Variants in FOXN3 observed in about 807,000 individuals in gnomAD.
The protein encoded by FOXN3 is forkhead box N3, also known as forkhead box protein N3.
In FOXN3, 7 loss-of-function variants were observed where a neutral mutation model predicts 38.4. The observed-to-expected ratio is 0.18, with a 90% confidence interval of 0.10 to 0.34. FOXN3 has a LOEUF of 0.34. Ranked by LOEUF, FOXN3 falls within the 10% of genes least tolerant of loss-of-function variation. FOXN3 has a pLI of 1.00. For synonymous variants in FOXN3, 230 were observed against 242.2 expected (o/e 0.95, Z 0.47); for missense variants, 456 against 613.4 (o/e 0.74, Z 2.71).
rs1887154491 is a variant in FOXN3, at chr14:89,163,304, G to A, written c.852-335C>T. Among the ~76,000 whole-genome samples, 1 of 152,160 alleles carries A rather than the reference G, an allele frequency of 6.6e-6. No homozygotes were observed. The highest frequency in any genetic ancestry group is 1.5e-5 in the Non-Finnish European group (1 of 68,036). On this transcript the variant is annotated intron_variant, in intron 5 of 5. Coordinates refer to ENST00000557258, the MANE Select transcript of FOXN3 (RefSeq NM_005197.4). The surrounding 1 kb of genome is among the most constrained non-coding windows in gnomAD (Gnocchi z 4.3). ...AAAAATCAAGCTGTGCTTGGTTCGT[G>A]TCCCCGCCAACACCACAGAGTCAGA...
chr14:89,541,905 A>G (rs1050140870), intron 1 of FOXN3, among the ~76,000 whole-genome samples: 2 of 152,188 alleles, frequency 1.3e-5, no homozygotes, highest in African/African-American at 4.8e-5. Flanking sequence ...TGCATCAGCA[A>G]TATTCTAAGA....
chr14:89,555,884 G>GGGTGT, intron 1 of FOXN3, among the ~76,000 whole-genome samples: 1 of 90,186 alleles, frequency 1.1e-5, no homozygotes, highest in Non-Finnish European at 2.5e-5. Flanking sequence ...TGTATGTGGG[G>GGGTGT]GTGTATGTGG....
chr14:89,413,357 G>A (rs1458793916), intron 1 of FOXN3, among the ~76,000 whole-genome samples: 1 of 152,182 alleles, frequency 6.6e-6, no homozygotes, highest in Non-Finnish European at 1.5e-5. Context: ...GAACAGGCTG[G>A]GCATGGTGGC....
chr14:89,330,402 C>T (rs1888213435), intron 3 of FOXN3, among the ~76,000 whole-genome samples: 1 of 152,206 alleles, frequency 6.6e-6, no homozygotes, highest in South Asian at 2.1e-4. Flanking sequence ...CTGCCCCTGA[C>T]CTCATTTCTG....
chr14:89,157,353 C>T lies in FOXN3; in HGVS notation c.*5061G>A, dbSNP rs1388160796. The T allele has an allele frequency of 6.6e-6, 1 of 152,656 alleles. No homozygotes were observed. The highest frequency in any genetic ancestry group is 1.5e-5 in the Non-Finnish European group (1 of 68,044). The allele number at this position is 152,656 out of a possible 1,614,324, so 9.5% of individuals were successfully genotyped here. A position where few individuals can be genotyped will look rare whatever the true frequency, so the allele number is the denominator to read the frequency against. On this transcript the variant is annotated 3_prime_UTR_variant, in exon 6 of 6. Transcript: ENST00000557258. ...ACTGTGGAAGAACTGCAAGGTCACA[C>T]ACATTATTCATGATAAAGCAACCGA... is the stretch of plus-strand genomic sequence containing the variant.
At chr14:89,570,052 G>A (rs1895459546) in intron 1 of FOXN3, among the ~76,000 whole-genome samples, 1 of 151,402 alleles carries the variant, frequency 6.6e-6, no homozygotes, top group African/African-American at 2.4e-5. Context: ...TCAGGCTGGA[G>A]TGCAGTGGCG....
chr14:89,441,391 G>A (rs571872474), intron 1 of FOXN3, among the ~76,000 whole-genome samples: 93 of 152,254 alleles, frequency 6.1e-4, no homozygotes, highest in African/African-American at 2.2e-3. Flanking sequence ...TTCACCTTAC[G>A]TTAAAAAGGA....
intron 1 of FOXN3, among the ~76,000 whole-genome samples, chr14:89,442,003 C>A (rs1462686634): frequency 6.6e-6 from 1 of 150,766 alleles, no homozygotes; most frequent in Non-Finnish European, 1.5e-5. Context: ...CTCGGCTCAC[C>A]GCAACCTCCG....
chr14:89,523,312 A>C (rs1409453462), intron 1 of FOXN3, among the ~76,000 whole-genome samples: 1 of 152,204 alleles, frequency 6.6e-6, no homozygotes, highest in Non-Finnish European at 1.5e-5. Context: ...ACAAACAGAC[A>C]ATCAGTAAGG....
At chr14:89,354,249 CAG>C (rs1485116485) in intron 2 of FOXN3, among the ~76,000 whole-genome samples, 1 of 150,478 alleles carries the variant, frequency 6.6e-6, no homozygotes, top group Non-Finnish European at 1.5e-5. Flanking sequence ...TTTTCTTAGA[CAG>C]AGTCTCGCTC....
intron 1 of FOXN3, among the ~76,000 whole-genome samples, chr14:89,505,389 C>CGAG (rs1893896687): frequency 6.6e-6 from 1 of 151,990 alleles, no homozygotes; most frequent in Admixed American, 6.5e-5. Flanking sequence ...TTTCTCCTGC[C>CGAG]TCAGCCTGCC....
At chr14:89,615,898 T>C (rs1365974231) in intron 1 of FOXN3, among the ~76,000 whole-genome samples, 1 of 152,130 alleles carries the variant, frequency 6.6e-6, no homozygotes, top group Non-Finnish European at 1.5e-5. Context: ...CCCATGCAAT[T>C]AGTTGATGAA....
At chr14:89,253,681 GT>G (rs1885531503) in intron 4 of FOXN3, among the ~76,000 whole-genome samples, 2 of 152,236 alleles carry the variant, frequency 1.3e-5, no homozygotes, top group South Asian at 4.1e-4. Flanking sequence ...ACAGACATAT[GT>G]GTCTAAGGCC....
At chr14:89,478,988 C>T (rs1051825609) in intron 1 of FOXN3, among the ~76,000 whole-genome samples, 2 of 147,556 alleles carry the variant, frequency 1.4e-5, no homozygotes, top group Non-Finnish European at 3.0e-5. Context: ...ATCCCTACCC[C>T]TATTTTACAG....
intron 4 of FOXN3, among the ~76,000 whole-genome samples, chr14:89,279,878 G>T (rs933640199): frequency 1.3e-5 from 2 of 152,190 alleles, no homozygotes; most frequent in African/African-American, 4.8e-5. Flanking sequence ...ACAAGGGTTT[G>T]AGCTACTACG....
chr14:89,446,192 T>C (rs1892493647), intron 1 of FOXN3, among the ~76,000 whole-genome samples: 1 of 90,148 alleles, frequency 1.1e-5, no homozygotes, highest in African/African-American at 4.9e-5. Context: ...TTTTTTTTTT[T>C]TTTCTTTTTT....
chr14:89,567,366 G>A (rs993019270), intron 1 of FOXN3, among the ~76,000 whole-genome samples: 1 of 152,014 alleles, frequency 6.6e-6, no homozygotes, highest in Non-Finnish European at 1.5e-5. Context: ...ACCTAGGTAT[G>A]AAGTAGTCCT....
intron 1 of FOXN3, among the ~76,000 whole-genome samples, chr14:89,562,330 G>A (rs920716156): frequency 6.6e-6 from 1 of 152,090 alleles, no homozygotes; most frequent in Non-Finnish European, 1.5e-5. Context: ...GCGCGATCTT[G>A]ACTCACAGCA....
chr14:89,177,888 G>A (rs973823660), intron 5 of FOXN3, among the ~76,000 whole-genome samples: 10 of 152,168 alleles, frequency 6.6e-5, no homozygotes, highest in African/African-American at 1.2e-4. Context: ...CCTTTGTTCC[G>A]TCAACCCTAG....
Sources: allele counts gnomAD v4.1 joint callset (sites outside exome capture counted in the v4.1 genomes callset), GRCh38; gene constraint gnomAD v4.1.1; non-coding constraint Gnocchi (gnomAD v3.1); transcripts MANE v1.5; gene names NCBI Gene and HGNC (gene_info 2026-07-23, HGNC 2026-07-21).